LRRC4C: variants seen among roughly 807,000 people sequenced by gnomAD.
The protein encoded by LRRC4C is leucine-rich repeat-containing protein 4C.
A neutral mutation model predicts 33.6 loss-of-function variants in LRRC4C; 5 were observed. The ratio of observed to expected loss-of-function variants is 0.15; its 90% CI spans 0.08 to 0.31. The LOEUF (loss-of-function observed/expected upper bound fraction) is 0.31, where lower values mean the gene tolerates loss of function less well. Ranked by LOEUF, LRRC4C falls within the 10% of genes least tolerant of loss-of-function variation. The probability of loss-of-function intolerance (pLI) is 1.00; values close to 1 mark genes in which losing one functional copy is unlikely to be tolerated. For missense variants in LRRC4C, 560 were observed against 796.7 expected (o/e 0.70, Z 3.58); for synonymous variants, 329 against 302.0 (o/e 1.09, Z -0.93).
In LRRC4C at chr11:41,102,052, T is replaced by C. The variant is rs543283320; in HGVS notation, c.-495-168329A>G. Among the ~76,000 whole-genome samples the C allele has an allele frequency of 1.1e-3, 174 of 152,090 alleles. 1 individual carries two copies. Among genetic ancestry groups the C allele is most frequent in the Middle Eastern group, 0.01 (3 of 294 alleles). On this transcript the variant is annotated intron_variant, in intron 1 of 6. Coordinates refer to ENST00000528697, the MANE Select transcript of LRRC4C (RefSeq NM_001258419.2). ...TTGAATACTAGGCTCAGTTACTTGG[T>C]GATGAAATAATCTGTACAACAAACC...
chr11:40,743,738 A>G (rs1262309394), intron 2 of LRRC4C, among the ~76,000 whole-genome samples: 2 of 152,096 alleles, frequency 1.3e-5, no homozygotes, highest in African/African-American at 4.8e-5. Flanking sequence ...ACCTCTTTTA[A>G]TACTCCTTGT....
intron 2 of LRRC4C, among the ~76,000 whole-genome samples, chr11:40,729,584 C>T (rs1947458182): frequency 6.6e-6 from 1 of 152,128 alleles, no homozygotes; most frequent in African/African-American, 2.4e-5. Context: ...CCTCACTCAA[C>T]ATTTGCCTGA....
chr11:40,465,470 AC>A (rs1376906910), intron 3 of LRRC4C, among the ~76,000 whole-genome samples: 3 of 151,888 alleles, frequency 2.0e-5, no homozygotes, highest in African/African-American at 7.2e-5. Flanking sequence ...AAACTAAAAA[AC>A]CTTCTGCAGT....
At chr11:40,243,178 C>T (rs183051187) in intron 4 of LRRC4C, among the ~76,000 whole-genome samples, 1 of 152,066 alleles carries the variant, frequency 6.6e-6, no homozygotes, top group African/African-American at 2.4e-5. Context: ...CAGCAAGATA[C>T]CCTTTTAAGT....
chr11:40,428,694 T>C (rs1284047872), intron 3 of LRRC4C, among the ~76,000 whole-genome samples: 1 of 152,234 alleles, frequency 6.6e-6, no homozygotes, highest in Non-Finnish European at 1.5e-5. Flanking sequence ...GAGTAAATGA[T>C]ATGAACAGCA....
At chr11:40,422,823 AT>A (rs1426101142) in intron 3 of LRRC4C, among the ~76,000 whole-genome samples, 1 of 152,220 alleles carries the variant, frequency 6.6e-6, no homozygotes, top group Non-Finnish European at 1.5e-5. Context: ...GTGATGAGAT[AT>A]AAACCAGTAG....
intron 1 of LRRC4C, among the ~76,000 whole-genome samples, chr11:41,009,639 A>T (rs902111744): frequency 6.6e-6 from 1 of 152,116 alleles, no homozygotes; most frequent in Non-Finnish European, 1.5e-5. Flanking sequence ...TAGTTTAGCT[A>T]TCATAAAACA....
intron 3 of LRRC4C, among the ~76,000 whole-genome samples, chr11:40,396,000 T>C (rs1481160992): frequency 6.9e-6 from 1 of 143,944 alleles, no homozygotes; most frequent in Non-Finnish European, 1.5e-5. Context: ...AATTTAATTT[T>C]AAAAAATACA....
At chr11:40,467,088 G>A (rs1483660654) in intron 3 of LRRC4C, among the ~76,000 whole-genome samples, 6 of 152,002 alleles carry the variant, frequency 3.9e-5, no homozygotes, top group Non-Finnish European at 8.8e-5. Flanking sequence ...TTTCAGAAAC[G>A]GATTGCCAAA....
At chr11:40,580,906 A>G (rs1489752938) in intron 3 of LRRC4C, among the ~76,000 whole-genome samples, 1 of 152,262 alleles carries the variant, frequency 6.6e-6, no homozygotes, top group Non-Finnish European at 1.5e-5. Flanking sequence ...GGACTCAGTA[A>G]TACTGCTTCT....
rs529882833 is a variant in LRRC4C, at chr11:40,156,612, C to A, written c.-95-15759G>T. On this transcript the variant is annotated intron_variant, in intron 5 of 6. Transcript: ENST00000528697. The stretch of plus-strand genomic sequence containing the variant: ...CTCTTTTACAATGGCTGCAAAAAAA[C>A]CACAAAAAACAAAAAACAGAAACAA... Among the ~76,000 whole-genome samples, 26 of 151,132 alleles carry A rather than the reference C, an allele frequency of 1.7e-4. No individual in the cohort carries two copies. The South Asian group carries it at 4.0e-3, about 23-fold the overall frequency.
chr11:40,601,614 T>C (rs1960000071), intron 3 of LRRC4C, among the ~76,000 whole-genome samples: 1 of 152,212 alleles, frequency 6.6e-6, no homozygotes, highest in African/African-American at 2.4e-5. Context: ...ATGAATGGCT[T>C]CATTTTGTAT....
At chr11:41,331,641 A>G (rs1951297655) in intron 1 of LRRC4C, among the ~76,000 whole-genome samples, 1 of 152,120 alleles carries the variant, frequency 6.6e-6, no homozygotes, top group Admixed American at 6.6e-5. Context: ...CTGCCTGACA[A>G]TCTTTTCACT....
At chr11:41,027,468 C>T (rs1349900528) in intron 1 of LRRC4C, among the ~76,000 whole-genome samples, 1 of 151,628 alleles carries the variant, frequency 6.6e-6, no homozygotes, top group Non-Finnish European at 1.5e-5. Context: ...AAATAATGCA[C>T]TCATATGTCG....
At chr11:41,397,677 T>TAAA (rs11381080) in intron 1 of LRRC4C, among the ~76,000 whole-genome samples, 4 of 143,760 alleles carry the variant, frequency 2.8e-5, no homozygotes, top group Non-Finnish European at 3.0e-5. Context: ...GAACAAAAAC[T>TAAA]AAAAAAAAAA....
At chr11:40,771,828 C>T (rs1294280302) in intron 2 of LRRC4C, among the ~76,000 whole-genome samples, 1 of 152,164 alleles carries the variant, frequency 6.6e-6, no homozygotes, top group African/African-American at 2.4e-5. Context: ...ATAACACTGT[C>T]AGCATTTTAG....
At chr11:40,711,617 A>G (rs369593408) in intron 2 of LRRC4C, among the ~76,000 whole-genome samples, 1 of 151,998 alleles carries the variant, frequency 6.6e-6, no homozygotes, top group African/African-American at 2.4e-5. Context: ...TTTGATAAAC[A>G]TTACTTTTGT....
chr11:40,559,865 A>G (rs370652459), intron 3 of LRRC4C, among the ~76,000 whole-genome samples: 1 of 152,236 alleles, frequency 6.6e-6, no homozygotes, highest in East Asian at 1.9e-4. Context: ...CACAAGATAC[A>G]AATTTTTAAA....
chr11:40,180,172 T>A (rs1860867428), intron 5 of LRRC4C, among the ~76,000 whole-genome samples: 1 of 152,252 alleles, frequency 6.6e-6, no homozygotes, highest in Non-Finnish European at 1.5e-5. Flanking sequence ...AGGCTTTTTA[T>A]TTATGGTCCA....
Sources: allele counts gnomAD v4.1 joint callset (sites outside exome capture counted in the v4.1 genomes callset), GRCh38; gene constraint gnomAD v4.1.1; transcripts MANE v1.5; gene names NCBI Gene and HGNC (gene_info 2026-07-23, HGNC 2026-07-21).